COL22A1: variants seen among roughly 807,000 people sequenced by gnomAD.
The protein encoded by COL22A1 is collagen type XXII alpha 1 chain, also known as collagen alpha-1(XXII) chain.
A neutral mutation model predicts 248.9 loss-of-function variants in COL22A1; 221 were observed. That is an observed-to-expected ratio of 0.89 (90% confidence interval 0.80 to 0.99). The LOEUF (loss-of-function observed/expected upper bound fraction) is 0.99, where lower values mean the gene tolerates loss of function less well. COL22A1 is among the 50% of genes least tolerant of loss of function. COL22A1 has a pLI of 0.00. For missense variants in COL22A1, 2,240 were observed against 2,179.0 expected (o/e 1.03, Z -0.56); for synonymous variants, 891 against 793.4 (o/e 1.12, Z -2.07).
chr8:138,725,940 G>A (rs942859476), intron 23 of COL22A1, among the ~76,000 whole-genome samples: 1 of 152,172 alleles, frequency 6.6e-6, no homozygotes, highest in Non-Finnish European at 1.5e-5. Context: ...CTAGGTATGG[G>A]GTGAGTGGGT....
chr8:138,903,348 T>C (rs1450096493), intron 1 of COL22A1, among the ~76,000 whole-genome samples: 2 of 152,044 alleles, frequency 1.3e-5, no homozygotes, highest in Non-Finnish European at 2.9e-5. Context: ...GAAATAACCA[T>C]GGAAAGGGAC....
At position 138,727,193 on chromosome 8, in the gene COL22A1, A is replaced by G. The variant is rs139642508; in HGVS notation, c.2140-1753T>C. ...CACCACGCCCTCCTCCCTCAGCTCC[A>G]GCACCACAGCGTCCAGAAGGTGCAG... On this transcript the variant is annotated intron_variant, in intron 23 of 64. Transcript: ENST00000303045. Among the ~76,000 whole-genome samples the G allele has an allele frequency of 5.4e-3, 829 of 152,238 alleles. 7 individuals are homozygous for G. The highest frequency in any genetic ancestry group is 0.019 in the African/African-American group (806 of 41,540).
At chr8:138,631,581 G>T (rs189859495) in intron 49 of COL22A1, among the ~76,000 whole-genome samples, 2 of 152,312 alleles carry the variant, frequency 1.3e-5, no homozygotes, top group African/African-American at 4.8e-5. Context: ...ATGAATGGAA[G>T]AAGACTTCTA....
intron 39 of COL22A1, among the ~76,000 whole-genome samples, chr8:138,681,426 A>T (rs1554746225): frequency 6.6e-6 from 1 of 152,148 alleles, no homozygotes; most frequent in Non-Finnish European, 1.5e-5. Context: ...AGGGGAAAAA[A>T]GGTCTCCTAC....
chr8:138,653,263 G>A (rs1293309721), intron 45 of COL22A1, among the ~76,000 whole-genome samples: 3 of 152,176 alleles, frequency 2.0e-5, no homozygotes, highest in African/African-American at 7.2e-5. Context: ...CTACCAAAGA[G>A]TTGTGTAGCC....
intron 46 of COL22A1, among the ~76,000 whole-genome samples, chr8:138,648,475 T>C (rs953574713): frequency 6.6e-6 from 1 of 152,200 alleles, no homozygotes; most frequent in Non-Finnish European, 1.5e-5. Flanking sequence ...AGAAAGAGAA[T>C]CTCACCTAAG....
intron 56 of COL22A1, among the ~76,000 whole-genome samples, chr8:138,611,826 C>A (rs1818887777): frequency 6.6e-6 from 1 of 151,562 alleles, no homozygotes; most frequent in Admixed American, 6.6e-5. Flanking sequence ...CTGCCACACA[C>A]CCCCTCTCTA....
intron 3 of COL22A1, among the ~76,000 whole-genome samples, chr8:138,849,011 G>A (rs965596686): frequency 3.3e-5 from 5 of 152,134 alleles, no homozygotes; most frequent in East Asian, 3.9e-4. Context: ...TGGAAGAGGC[G>A]GAGGAGGGAA....
rs757765989 is a variant in COL22A1 at position 138,877,821 on chromosome 8, T to C, written c.587A>G (p.His196Arg). The change falls in exon 3 of 65, where the codon CAC becomes CGC. Residue 196 changes from histidine (H) to arginine (R), a missense_variant. Physicochemically the swap from His to Arg is conservative, Grantham distance 29. Coordinates refer to ENST00000303045, the MANE Select transcript of COL22A1 (RefSeq NM_152888.3). ...EEIASEPKSA[H>R]VFHVSDFNAI... ...ATTGAAGTCGGACACGTGGAAGACG[T>C]GGGCGGACTTGGGCTCTGAGGCGAT... 6 of 1,612,282 alleles carry C rather than the reference T, an allele frequency of 3.7e-6. No homozygotes were observed. The highest frequency in any genetic ancestry group is 4.2e-6 in the Non-Finnish European group (5 of 1,179,160).
At chr8:138,806,153 G>GGT (rs201740917) in intron 10 of COL22A1, among the ~76,000 whole-genome samples, 39 of 109,064 alleles carry the variant, frequency 3.6e-4, no homozygotes, top group Middle Eastern at 5.6e-3. Flanking sequence ...TGTGTGTGAT[G>GGT]GTGTGTGTGT....
chr8:138,791,842 AATT>A (rs2131585103), intron 12 of COL22A1, among the ~76,000 whole-genome samples: 1 of 152,242 alleles, frequency 6.6e-6, no homozygotes, highest in South Asian at 2.1e-4. Flanking sequence ...TGTGACCCAA[AATT>A]CTATCTACTG....
intron 21 of COL22A1, 136 bp downstream of exon 21, chr8:138,755,021 C>T: frequency 1.2e-6 from 1 of 856,668 alleles, no homozygotes; most frequent in Non-Finnish European, 1.9e-6. Flanking sequence ...GTGACCACAA[C>T]AGCACAACCC....
chr8:138,909,088 T>C (rs1815236609), intron 1 of COL22A1, among the ~76,000 whole-genome samples: 1 of 152,226 alleles, frequency 6.6e-6, no homozygotes, highest in Middle Eastern at 3.2e-3. Context: ...GTCATAATTA[T>C]TTGGCAAAAC....
intron 5 of COL22A1, chr8:138,828,188 G>A (rs944813042): frequency 3.3e-5 from 5 of 152,044 alleles, no homozygotes; most frequent in East Asian, 1.9e-4. Context: ...GTCAACAGCC[G>A]TTTCCATGGA....
In COL22A1 at chr8:138,606,423, G is replaced by A; in HGVS notation, c.4062C>T (p.Gly1354=). 6.2e-7 allele frequency: 1 copy of A among 1,613,648 alleles called. No homozygotes were observed. Among genetic ancestry groups the A allele is most frequent in the Non-Finnish European group, 8.5e-7 (1 of 1,179,896 alleles). ...CCAGGAAGCCAGGAAGTCCTGGGCT[G>A]CCATTTTCCCCTTTGCTTCCTTTCT... ...PGQKGSKGEN[G]SPGLPGFLGP... The change falls in exon 58 of 65, where the codon GGC becomes GGT. Residue 1354 remains glycine, a synonymous_variant. Transcript: ENST00000303045.
chr8:138,865,801 G>C (rs928881422), intron 3 of COL22A1, among the ~76,000 whole-genome samples: 3 of 149,566 alleles, frequency 2.0e-5, no homozygotes, highest in Non-Finnish European at 4.4e-5. Flanking sequence ...GCCTGTGTGT[G>C]TGTGTATGTT....
chr8:138,841,363 A>C (rs1320601448), intron 4 of COL22A1, among the ~76,000 whole-genome samples: 1 of 152,158 alleles, frequency 6.6e-6, no homozygotes, highest in Non-Finnish European at 1.5e-5. Context: ...TTCAGATTGG[A>C]GTTCTCAGAA....
At chr8:138,885,258 GGTC>G (rs1824564937) in intron 1 of COL22A1, among the ~76,000 whole-genome samples, 3 of 152,254 alleles carry the variant, frequency 2.0e-5, no homozygotes, top group Non-Finnish European at 4.4e-5. Context: ...ACCTCCAGAT[GGTC>G]AATCAGTTCT....
intron 32 of COL22A1, among the ~76,000 whole-genome samples, chr8:138,695,700 C>G (rs948269910): frequency 2.0e-5 from 3 of 152,118 alleles, no homozygotes; most frequent in African/African-American, 7.2e-5. Context: ...CAAGATGGGG[C>G]AGGCTCACTT....
Sources: gnomAD v4.1 joint callset for allele counts (sites outside exome capture counted in the v4.1 genomes callset) on GRCh38, gnomAD v4.1.1 for gene constraint, MANE v1.5 for transcripts, NCBI Gene and HGNC (gene_info 2026-07-23, HGNC 2026-07-21) for gene names.